Variants in CHL1 observed in about 807,000 individuals in gnomAD.
CHL1 encodes the protein cell adhesion molecule L1 like.
CHL1 carries 96 observed loss-of-function variants against 141.9 expected under a neutral mutation model. The observed-to-expected ratio is 0.68, with a 90% CI of 0.57 to 0.80. The LOEUF is 0.80. Ranked by LOEUF, CHL1 falls within the 30% of genes least tolerant of loss-of-function variation. CHL1 has a pLI of 0.00. For synonymous variants in CHL1, 613 were observed against 502.2 expected (o/e 1.22, Z -2.95); for missense variants, 1,820 against 1,457.2 (o/e 1.25, Z -4.05).
intron 15 of CHL1, among the ~76,000 whole-genome samples, chr3:370,688 T>C (rs1705518635): frequency 6.6e-6 from 1 of 152,166 alleles, no homozygotes; most frequent in Non-Finnish European, 1.5e-5. Context: ...GTTCTTTTAA[T>C]TGTGATGTTA....
At chr3:347,023 C>T (rs942950097) in intron 9 of CHL1, among the ~76,000 whole-genome samples, 21 of 152,048 alleles carry the variant, frequency 1.4e-4, no homozygotes, top group Non-Finnish European at 4.4e-5. Context: ...GCAAGAATTT[C>T]CAGCTATATT....
intron 26 of CHL1, among the ~76,000 whole-genome samples, chr3:400,383 A>G (rs1287356548): frequency 1.3e-5 from 2 of 152,326 alleles, no homozygotes; most frequent in African/African-American, 2.4e-5. Context: ...GAAACGTTAA[A>G]GAGTTATAGC....
At chr3:281,817 C>T (rs1321353250) in intron 2 of CHL1, among the ~76,000 whole-genome samples, 2 of 152,172 alleles carry the variant, frequency 1.3e-5, no homozygotes, top group African/African-American at 2.4e-5. Flanking sequence ...GCCTTGGCCT[C>T]CCAAAGTGCT....
At chr3:354,984 C>T (rs1703590123) in intron 11 of CHL1, among the ~76,000 whole-genome samples, 1 of 151,868 alleles carries the variant, frequency 6.6e-6, no homozygotes, top group African/African-American at 2.4e-5. Context: ...CTGCCTGTGC[C>T]CTCTTATAAA....
chr3:369,729 T>A (rs867082490), intron 15 of CHL1, among the ~76,000 whole-genome samples: 15 of 152,346 alleles, frequency 9.8e-5, no homozygotes, highest in Admixed American at 5.2e-4. Context: ...ATATTGGCTG[T>A]GGGTTTATCA....
At chr3:390,299 G>A (rs1402129843) in intron 20 of CHL1, among the ~76,000 whole-genome samples, 1 of 152,212 alleles carries the variant, frequency 6.6e-6, no homozygotes, top group African/African-American at 2.4e-5. Flanking sequence ...ACCAATTTAG[G>A]TAAGTCCCTT....
At chr3:254,684 G>T (rs1351146596) in intron 2 of CHL1, among the ~76,000 whole-genome samples, 1 of 152,130 alleles carries the variant, frequency 6.6e-6, no homozygotes, top group Non-Finnish European at 1.5e-5. Flanking sequence ...CAAGATCAAG[G>T]CATCAGCATC....
chr3:309,564 C>T (rs1019845623), intron 2 of CHL1, among the ~76,000 whole-genome samples: 2 of 151,534 alleles, frequency 1.3e-5, no homozygotes, highest in African/African-American at 4.9e-5. Context: ...CACTCTGTTG[C>T]CCAGGCAGAA....
At chr3:279,986 C>A (rs1696491120) in intron 2 of CHL1, among the ~76,000 whole-genome samples, 3 of 151,862 alleles carry the variant, frequency 2.0e-5, no homozygotes, top group Admixed American at 2.0e-4. Context: ...ATCATTTTTT[C>A]ACACTGAGTA....
At chr3:383,626 T>C (rs1024708873) in intron 18 of CHL1, among the ~76,000 whole-genome samples, 190 bp from the exon 19 acceptor site, 3 of 152,130 alleles carry the variant, frequency 2.0e-5, no homozygotes, top group African/African-American at 4.8e-5. Flanking sequence ...AAGAAGACTG[T>C]TTTACTCTTT....
At chr3:340,295 T>G (rs1702253623) in intron 5 of CHL1, among the ~76,000 whole-genome samples, 1 of 152,218 alleles carries the variant, frequency 6.6e-6, no homozygotes, top group African/African-American at 2.4e-5. Flanking sequence ...TCCATTGCAT[T>G]CTTACCATTT....
At chr3:267,612 ACATTATATCT>A in intron 2 of CHL1, among the ~76,000 whole-genome samples, 1 of 152,198 alleles carries the variant, frequency 6.6e-6, no homozygotes. Context: ...ATTGCCTTAT[ACATTATATCT>A]CATTATCTTT....
chr3:281,395 C>T (rs992368316), intron 2 of CHL1, among the ~76,000 whole-genome samples: 4 of 152,168 alleles, frequency 2.6e-5, no homozygotes, highest in African/African-American at 9.6e-5. Flanking sequence ...TATTTGCCTT[C>T]ACCACTATGA....
chr3:287,493 G>A (rs1559203264), intron 2 of CHL1, among the ~76,000 whole-genome samples: 1 of 152,146 alleles, frequency 6.6e-6, no homozygotes, highest in African/African-American at 2.4e-5. Context: ...TACAGTAGAG[G>A]TGCTTTGGGA....
intron 3 of CHL1, among the ~76,000 whole-genome samples, chr3:321,656 C>T (rs1168066925): frequency 6.6e-6 from 1 of 152,012 alleles, no homozygotes; most frequent in African/African-American, 2.4e-5. Flanking sequence ...TGTATTAATT[C>T]CTGGCCCACA....
intron 2 of CHL1, among the ~76,000 whole-genome samples, chr3:314,254 G>T (rs1351817981): frequency 6.9e-6 from 1 of 145,226 alleles, no homozygotes; most frequent in South Asian, 2.2e-4. Context: ...ATGTTAAAAT[G>T]CACCCCCAAT....
chr3:339,645 C>T lies in CHL1; in HGVS notation c.386-1149C>T, dbSNP rs114761801. 9.8e-3 allele frequency among the ~76,000 whole-genome samples: 1,487 copies of T among 152,258 alleles called. 21 individuals are homozygous for T. The highest frequency in any genetic ancestry group is 0.034 in the African/African-American group (1,421 of 41,522). ...AAGGTCCTTGAATTTAGACAAAAAG[C>T]AATTCACTGTAACCAGCTGGTGCAT... is the stretch of plus-strand genomic sequence containing the variant. On this transcript the variant is annotated intron_variant, in intron 5 of 27. Coordinates refer to ENST00000256509, the MANE Select transcript of CHL1 (RefSeq NM_006614.4).
chr3:255,980 T>C (rs1449488422), intron 2 of CHL1, among the ~76,000 whole-genome samples: 3 of 152,234 alleles, frequency 2.0e-5, no homozygotes, highest in African/African-American at 4.8e-5. Context: ...ACTTCCACAC[T>C]TTCAACTTTC....
intron 1 of CHL1, among the ~76,000 whole-genome samples, chr3:212,196 G>A (rs543528364): frequency 1.3e-5 from 2 of 152,030 alleles, no homozygotes; most frequent in South Asian, 4.2e-4. Context: ...TCTACAACGA[G>A]TTTGCATTAA....
Sources: gnomAD v4.1 joint callset for allele counts (sites outside exome capture counted in the v4.1 genomes callset) on GRCh38, gnomAD v4.1.1 for gene constraint, MANE v1.5 for transcripts, NCBI Gene and HGNC (gene_info 2026-07-23, HGNC 2026-07-21) for gene names.